The following CFTR variants were observed in gnomAD, a reference collection of about 807,000 sequenced individuals.
CFTR encodes the protein CF transmembrane conductance regulator, also known as cystic fibrosis transmembrane conductance regulator.
In CFTR, 181 loss-of-function variants were observed where a neutral mutation model predicts 171.6. That is an observed-to-expected ratio of 1.05 (90% CI 0.93 to 1.19). The LOEUF is 1.19. Ranked by LOEUF, CFTR falls within the 50% of genes most tolerant of loss-of-function variation. The pLI is 0.00. For missense variants in CFTR, 1,968 were observed against 1,734.7 expected, an observed-to-expected ratio of 1.13 and a Z score of -2.39; for synonymous variants, 583 against 608.0, an observed-to-expected ratio of 0.96 and a Z score of 0.60.
At chr7:117,618,255 G>GA (rs1792523140) in intron 21 of CFTR, among the ~76,000 whole-genome samples, 1 of 152,004 alleles carries the variant, frequency 6.6e-6, no homozygotes, top group Non-Finnish European at 1.5e-5. Flanking sequence ...TTGGAAGGCC[G>GA]AGGCAGGCGA....
At chr7:117,652,561 A>G (rs1793103881) in intron 23 of CFTR, among the ~76,000 whole-genome samples, 1 of 152,150 alleles carries the variant, frequency 6.6e-6, no homozygotes, top group African/African-American at 2.4e-5. Flanking sequence ...TTAATATTCT[A>G]CAATTAACAA....
chr7:117,541,002 C>A (rs1042302880), intron 8 of CFTR, among the ~76,000 whole-genome samples: 3 of 152,148 alleles, frequency 2.0e-5, no homozygotes, highest in African/African-American at 7.2e-5. Context: ...ATTGGAATAA[C>A]TAGTCAACTG....
intron 21 of CFTR, among the ~76,000 whole-genome samples, chr7:117,624,495 C>G (rs1285151115): frequency 1.3e-5 from 2 of 152,172 alleles, no homozygotes; most frequent in African/African-American, 4.8e-5. Context: ...CTCTACTGCT[C>G]CCATGTCATG....
rs556741098 is a variant in CFTR, at chr7:117,523,145, C to T, written c.274-7754C>T. ...GTTCAAAGGATGACTATGTCCTCTT[C>T]GGTTGAGGAAAGATGACAACAAACT... On this transcript the variant is annotated intron_variant, in intron 3 of 26. Transcript: ENST00000003084. Among the ~76,000 whole-genome samples, 72 of 151,854 alleles carry T rather than the reference C, an allele frequency of 4.7e-4. 1 individual carries two copies. The highest frequency in any genetic ancestry group is 1.6e-3 in the African/African-American group (68 of 41,460).
chr7:117,511,865 G>C (rs1377972554), intron 3 of CFTR, among the ~76,000 whole-genome samples: 1 of 152,084 alleles, frequency 6.6e-6, no homozygotes, highest in African/African-American at 2.4e-5. Flanking sequence ...AAAAGGGGGG[G>C]AGAAAATTTA....
At chr7:117,643,509 A>G (rs2116171615) in intron 23 of CFTR, among the ~76,000 whole-genome samples, 1 of 152,292 alleles carries the variant, frequency 6.6e-6, no homozygotes. Flanking sequence ...GCTCCTTTCA[A>G]CTAATGAGGC....
In CFTR at chr7:117,663,491, G is replaced by A. The variant is rs570772896; in HGVS notation, c.3964-1197G>A. 8.1e-5 allele frequency among the ~76,000 whole-genome samples: 11 copies of A among 135,434 alleles called. No individual in the cohort carries two copies. The East Asian group carries it at 1.9e-3, about 24-fold the overall frequency. The allele number at this position is 135,434 out of a possible 152,430, so 88.8% of individuals were successfully genotyped here. A position where few individuals can be genotyped will look rare whatever the true frequency, so the allele number is the denominator to read the frequency against. ...ATATACTTTCAAATGTTTTTTGCTT[G>A]TTTGTTTCTTGTCCAGCTAAAAAAA... On this transcript the variant is annotated intron_variant, in intron 24 of 26. Coordinates refer to ENST00000003084, the MANE Select transcript of CFTR (RefSeq NM_000492.4).
In CFTR at chr7:117,594,926, T is replaced by A. The variant is rs774555452; in HGVS notation, c.2491-4T>A. ...ATTGTAATAGCCATAATTCTTTTATTCAGGAGTGCTTTTTTGATGATATGG... is the reference window on the plus strand; with the variant it reads ...ATTGTAATAGCCATAATTCTTTTATACAGGAGTGCTTTTTTGATGATATGG... On this transcript the variant is annotated splice_region_variant and splice_polypyrimidine_tract_variant and intron_variant, in intron 14 of 26. Coordinates refer to ENST00000003084, the MANE Select transcript of CFTR (RefSeq NM_000492.4). 6.2e-7 allele frequency: 1 copy of A among 1,612,810 alleles called. No individual in the cohort carries two copies. The highest frequency in any genetic ancestry group is 8.5e-7 in the Non-Finnish European group (1 of 1,179,166).
At chr7:117,660,100 C>T (rs914067311) in intron 24 of CFTR, among the ~76,000 whole-genome samples, 2 of 151,566 alleles carry the variant, frequency 1.3e-5, no homozygotes, top group Admixed American at 6.6e-5. Context: ...TTGGGAAGTA[C>T]ATACTATTTA....
In CFTR at chr7:117,553,057, A is replaced by C. The variant is rs148337647; in HGVS notation, c.1392+4234A>C. ...TCACCCCTTTCTGCCATGTGAGAAC[A>C]CAGCAGGAAGACAGCTGGCTATCCA... On this transcript the variant is annotated intron_variant, in intron 10 of 26. Coordinates refer to ENST00000003084, the MANE Select transcript of CFTR (RefSeq NM_000492.4). 3.9e-3 allele frequency among the ~76,000 whole-genome samples: 595 copies of C among 152,290 alleles called. 3 individuals are homozygous for C. Among genetic ancestry groups the C allele is most frequent in the Admixed American group, 7.1e-3 (108 of 15,286 alleles).
At chr7:117,664,950 T>C in intron 25 of CFTR, 90 bp downstream of exon 25, 14 of 1,398,088 alleles carry the variant, frequency 1.0e-5, no homozygotes, top group Non-Finnish European at 1.4e-5. Context: ...TATTAGGCTG[T>C]CATGTCTGCG....
intron 9 of CFTR, among the ~76,000 whole-genome samples, chr7:117,546,290 C>T (rs1799146243): frequency 6.6e-6 from 1 of 151,946 alleles, no homozygotes; most frequent in South Asian, 2.1e-4. Context: ...CCACGCCTGG[C>T]CACCTACCTA....
intron 1 of CFTR, among the ~76,000 whole-genome samples, chr7:117,482,008 A>G (rs1365519012): frequency 6.6e-6 from 1 of 152,224 alleles, no homozygotes; most frequent in African/African-American, 2.4e-5. Flanking sequence ...AAGTTAGCCT[A>G]ATGTTAACTG....
chr7:117,611,647 G>T lies in CFTR; in HGVS notation c.3206G>T (p.Gly1069Val). Residue 1069 changes from glycine (G) to valine (V), a missense_variant, in exon 20 of 27, where the codon GGA becomes GTA. Physicochemically the swap from Gly to Val is moderately radical, Grantham distance 109. Transcript: ENST00000003084. ...LKGLWTLRAF[G>V]RQPYFETLFH... ...GGACTATGGACACTTCGTGCCTTCG[G>T]ACGGCAGCCTTACTTTGAAACTCTG... 1 of 1,613,590 alleles carries T rather than the reference G, an allele frequency of 6.2e-7. No individual in the cohort carries two copies. The highest frequency in any genetic ancestry group is 1.6e-4 in the Middle Eastern group (1 of 6,062).
chr7:117,583,668 C>A (rs1234921063), intron 11 of CFTR, among the ~76,000 whole-genome samples: 1 of 150,836 alleles, frequency 6.6e-6, no homozygotes. Flanking sequence ...ATAATGACTT[C>A]TTTTCCTTTG....
intron 6 of CFTR, among the ~76,000 whole-genome samples, chr7:117,535,786 G>A (rs1318934227): frequency 1.3e-5 from 2 of 151,866 alleles, no homozygotes; most frequent in African/African-American, 4.8e-5. Flanking sequence ...CGCCCACCTC[G>A]GCCTCCCAAA....
chr7:117,618,862 A>G (rs1340423761), intron 21 of CFTR, among the ~76,000 whole-genome samples: 1 of 152,242 alleles, frequency 6.6e-6, no homozygotes, highest in Admixed American at 6.5e-5. Context: ...TTTAAAAAAT[A>G]GTAAAATTAT....
At chr7:117,499,720 C>T (rs1798291894) in intron 1 of CFTR, among the ~76,000 whole-genome samples, 1 of 151,146 alleles carries the variant, frequency 6.6e-6, no homozygotes, top group South Asian at 2.1e-4. Flanking sequence ...CTTTGGGAGG[C>T]CAAGGCAGGA....
intron 1 of CFTR, among the ~76,000 whole-genome samples, chr7:117,492,407 A>G (rs1798174182): frequency 6.6e-6 from 1 of 151,698 alleles, no homozygotes; most frequent in Non-Finnish European, 1.5e-5. Context: ...AGCAATACCT[A>G]TTTGCAATCA....
Sources: allele counts gnomAD v4.1 joint callset (sites outside exome capture counted in the v4.1 genomes callset), GRCh38; gene constraint gnomAD v4.1.1; transcripts MANE v1.5; gene names NCBI Gene and HGNC (gene_info 2026-07-23, HGNC 2026-07-21).